Variants in PDZD2 observed in about 807,000 individuals in gnomAD.
The protein encoded by PDZD2 is PDZ domain-containing protein 2.
In PDZD2, 90 loss-of-function variants were observed where a neutral mutation model predicts 220.7. The observed-to-expected ratio is 0.41, with a 90% CI of 0.34 to 0.49. The LOEUF (loss-of-function observed/expected upper bound fraction) is 0.49, where lower values mean the gene tolerates loss of function less well. Ranked by LOEUF, PDZD2 falls within the 20% of genes least tolerant of loss-of-function variation. The pLI is 0.28. For missense variants in PDZD2, 3,174 were observed against 3,608.5 expected (o/e 0.88, Z 3.08); for synonymous variants, 1,375 against 1,450.5 (o/e 0.95, Z 1.18).
At chr5:31,870,127 G>A (rs184118216) in intron 2 of PDZD2, among the ~76,000 whole-genome samples, 67 of 152,254 alleles carry the variant, frequency 4.4e-4, no homozygotes, top group African/African-American at 1.1e-3. Context: ...GGATTCCTCC[G>A]GAGTTCCCTA....
intron 1 of PDZD2, among the ~76,000 whole-genome samples, chr5:31,660,338 A>C (rs906006797): frequency 5.9e-5 from 9 of 152,270 alleles, no homozygotes; most frequent in Middle Eastern, 3.4e-3. Flanking sequence ...TTCTTTTAAA[A>C]ATTTTTTTAT....
intron 3 of PDZD2, among the ~76,000 whole-genome samples, chr5:31,986,689 G>A (rs1281809150): frequency 4.6e-5 from 7 of 152,060 alleles, no homozygotes; most frequent in Admixed American, 4.6e-4. Flanking sequence ...TTTGAATAAT[G>A]GGAGATTAAA....
At chr5:31,918,799 C>G (rs1289447488) in intron 2 of PDZD2, among the ~76,000 whole-genome samples, 1 of 152,100 alleles carries the variant, frequency 6.6e-6, no homozygotes, top group Non-Finnish European at 1.5e-5. Context: ...GCAAGATGAC[C>G]AGGAGGCTTT....
chr5:32,057,944 T>C lies in PDZD2; in HGVS notation c.2041T>C (p.Cys681Arg). 1 of 1,614,016 alleles carries C rather than the reference T, an allele frequency of 6.2e-7. No individual in the cohort carries two copies. The highest frequency in any genetic ancestry group is 8.5e-7 in the Non-Finnish European group (1 of 1,179,932). The change falls in exon 12 of 25, where the codon TGC becomes CGC. Residue 681 changes from cysteine to arginine, a missense_variant. Physicochemically the swap from Cys to Arg is radical, Grantham distance 180. Transcript: ENST00000438447. ...GTTGGTGAGCCCCAGCCTCACACCCTGCTCGACACCCACACACATGAGCAG... is the reference window on the plus strand; with the variant it reads ...GTTGGTGAGCCCCAGCCTCACACCCCGCTCGACACCCACACACATGAGCAG... ...TKLVSPSLTP[C>R]STPTHMSRSA...
At chr5:31,945,181 A>G (rs1746531550) in intron 2 of PDZD2, among the ~76,000 whole-genome samples, 2 of 152,180 alleles carry the variant, frequency 1.3e-5, no homozygotes, top group African/African-American at 2.4e-5. Flanking sequence ...CTGACCGACT[A>G]TGCCCTAATG....
chr5:31,651,043 A>T (rs1745330550), intron 1 of PDZD2, among the ~76,000 whole-genome samples: 1 of 152,196 alleles, frequency 6.6e-6, no homozygotes, highest in Admixed American at 6.5e-5. Context: ...AGGGAGAATG[A>T]GAAATCACCT....
rs777715428 is a variant in PDZD2, at chr5:32,089,496, C to G, written c.6048C>G (p.Thr2016=). Reference sequence around the variant, plus strand: ...AACCCGACAGAGGTTGCCCAACCACCCCTAAATCTCCTAAGTGTAGAGCAG... The same window carrying G: ...AACCCGACAGAGGTTGCCCAACCACGCCTAAATCTCCTAAGTGTAGAGCAG... ...LSEPDRGCPT[T]PKSPKCRAEG... The change falls in exon 20 of 25, where the codon ACC becomes ACG. Residue 2016 remains threonine (T), a synonymous_variant. Coordinates refer to ENST00000438447, the MANE Select transcript of PDZD2 (RefSeq NM_178140.4). The G allele has an allele frequency of 1.9e-6, 3 of 1,613,240 alleles. No homozygotes were observed. Among genetic ancestry groups the G allele is most frequent in the Admixed American group, 1.7e-5 (1 of 60,022 alleles).
chr5:31,808,752 G>T (rs1754895993), intron 2 of PDZD2, among the ~76,000 whole-genome samples: 1 of 152,138 alleles, frequency 6.6e-6, no homozygotes, highest in East Asian at 1.9e-4. Flanking sequence ...TGAGGCGGGT[G>T]GATCACTTGA....
intron 1 of PDZD2, among the ~76,000 whole-genome samples, chr5:31,759,752 C>T (rs1751521581): frequency 1.3e-5 from 2 of 151,980 alleles, no homozygotes; most frequent in Admixed American, 1.3e-4. Context: ...ACCATGTTGG[C>T]CAGGCTGGTC....
intron 1 of PDZD2, among the ~76,000 whole-genome samples, chr5:31,674,043 G>C (rs539907495): frequency 6.6e-6 from 1 of 152,324 alleles, no homozygotes; most frequent in Admixed American, 6.5e-5. Context: ...TAACCAGGAG[G>C]AGAGCCCTCA....
At chr5:32,070,903 G>GATAATTGCTTGAACCCGGGAGGC (rs33959770) in intron 15 of PDZD2, among the ~76,000 whole-genome samples, 5,863 of 151,558 alleles carry the variant, frequency 0.039, 374 homozygotes, top group African/African-American at 0.13. Flanking sequence ...GCTGAGACAG[G>GATAATTGCTTGAACCCGGGAGGC]AGAGGTTTCA....
At chr5:31,672,605 CG>C (rs1746256515) in intron 1 of PDZD2, among the ~76,000 whole-genome samples, 1 of 152,184 alleles carries the variant, frequency 6.6e-6, no homozygotes, top group African/African-American at 2.4e-5. Flanking sequence ...AAGGATCTCT[CG>C]GGCCCTCTCA....
chr5:31,948,746 T>C (rs1202455383), intron 2 of PDZD2, among the ~76,000 whole-genome samples: 1 of 152,178 alleles, frequency 6.6e-6, no homozygotes, highest in Non-Finnish European at 1.5e-5. Context: ...CATGTGATTC[T>C]GTAACAGTCC....
intron 3 of PDZD2, among the ~76,000 whole-genome samples, chr5:31,991,463 G>A (rs1751203749): frequency 6.6e-6 from 1 of 152,202 alleles, no homozygotes; most frequent in Non-Finnish European, 1.5e-5. Flanking sequence ...CTTTTGGCTT[G>A]TGGATCATCT....
At chr5:31,839,170 C>T (rs1323336294) in intron 2 of PDZD2, among the ~76,000 whole-genome samples, 6 of 152,194 alleles carry the variant, frequency 3.9e-5, no homozygotes, top group Non-Finnish European at 7.3e-5. Flanking sequence ...TTTTACTCCC[C>T]TCCAGAGGTC....
At chr5:32,026,162 T>G (rs1754644529) in intron 6 of PDZD2, among the ~76,000 whole-genome samples, 1 of 143,848 alleles carries the variant, frequency 7.0e-6, no homozygotes, top group African/African-American at 2.6e-5. Flanking sequence ...TTGGTAACAG[T>G]GTCTGGCTCT....
intron 2 of PDZD2, among the ~76,000 whole-genome samples, chr5:31,865,150 A>G (rs1738098688): frequency 6.6e-6 from 1 of 151,586 alleles, no homozygotes; most frequent in Non-Finnish European, 1.5e-5. Flanking sequence ...CCCAGCTGAG[A>G]TTTGTCATCT....
chr5:31,928,409 T>C (rs1166661837), intron 2 of PDZD2, among the ~76,000 whole-genome samples: 1 of 152,198 alleles, frequency 6.6e-6, no homozygotes, highest in African/African-American at 2.4e-5. Context: ...CCTTCTTTCA[T>C]AGAGCATTTC....
chr5:32,015,988 AT>A (rs1244132112), intron 6 of PDZD2, among the ~76,000 whole-genome samples: 1 of 152,200 alleles, frequency 6.6e-6, no homozygotes, highest in Non-Finnish European at 1.5e-5. Flanking sequence ...CAGTTCTAAC[AT>A]TTTTGGAATC....
Sources: gnomAD v4.1 joint callset for allele counts (sites outside exome capture counted in the v4.1 genomes callset) on GRCh38, gnomAD v4.1.1 for gene constraint, MANE v1.5 for transcripts, NCBI Gene and HGNC (gene_info 2026-07-23, HGNC 2026-07-21) for gene names.